The following CNKSR2 variants were observed in gnomAD, a reference collection of about 807,000 sequenced individuals.
CNKSR2 encodes the protein connector enhancer of kinase suppressor of Ras 2, also known as CNK homolog protein 2.
Under a neutral mutation model 84.4 loss-of-function variants are expected in CNKSR2, and 14 were observed. That is an observed-to-expected ratio of 0.17 (90% confidence interval 0.11 to 0.26). The LOEUF (loss-of-function observed/expected upper bound fraction) is 0.26. Among genes scored for constraint, CNKSR2 ranks in the 10% least tolerant of loss-of-function variants. CNKSR2 has a pLI of 1.00. For synonymous variants in CNKSR2, 275 were observed against 277.9 expected, an observed-to-expected ratio of 0.99 and a Z score of 0.10; for missense variants, 485 against 771.2, an observed-to-expected ratio of 0.63 and a Z score of 4.40.
intron 21 of CNKSR2, among the ~76,000 whole-genome samples, chrX:21,650,425 G>A (rs1170334281): frequency 9.3e-4 from 96 of 102,767 alleles, no homozygotes; most frequent in South Asian, 2.9e-3. Context: ...GGGGCCTGTC[G>A]GGGGGTGGGG....
intron 18 of CNKSR2, among the ~76,000 whole-genome samples, chrX:21,602,879 A>G (rs2092491784): frequency 8.9e-6 from 1 of 112,175 alleles, no homozygotes; most frequent in African/African-American, 3.2e-5. Flanking sequence ...AGTGTGGGCA[A>G]TGTACTGATA....
intron 4 of CNKSR2, among the ~76,000 whole-genome samples, chrX:21,449,429 A>T (rs1428385464): frequency 9.0e-6 from 1 of 110,682 alleles, no homozygotes; most frequent in Admixed American, 9.7e-5. Flanking sequence ...AAAAAAAAAC[A>T]CTAATAACCC....
At chrX:21,436,798 A>G (rs1226078984) in intron 3 of CNKSR2, among the ~76,000 whole-genome samples, 3 of 111,173 alleles carry the variant, frequency 2.7e-5, no homozygotes, top group Non-Finnish European at 5.7e-5. Context: ...ATAGATGATC[A>G]TTAAGTCATG....
chrX:21,635,992 CT>C (rs1480056229), intron 20 of CNKSR2, among the ~76,000 whole-genome samples: 2 of 111,440 alleles, frequency 1.8e-5, no homozygotes, highest in Non-Finnish European at 3.8e-5. Flanking sequence ...GTTGGAACTA[CT>C]TTTCAGAGTA....
In CNKSR2 at chrX:21,648,770, T is replaced by TTCTC. The variant is rs1229529311; in HGVS notation, c.2693-43_2693-40dup. On this transcript the variant is annotated intron_variant, in intron 20 of 21. Transcript: ENST00000379510. ...TATATTGCAATGAATTCATTTCTCT[T>TTCTC]TCTCTCTCTCTCTCTCTCTCTTTCT... The TTCTC allele has an allele frequency of 5.0e-4, 379 of 754,721 alleles. 1 individual carries two copies. The African/African-American group carries it at 7.6e-3, about 15-fold the overall frequency. 62.2% of individuals were successfully genotyped at this position (754,721 alleles called of 1,213,427 possible). A position where few individuals can be genotyped will look rare whatever the true frequency, so the allele number is the denominator to read the frequency against.
intron 4 of CNKSR2, among the ~76,000 whole-genome samples, chrX:21,457,398 T>G (rs1044582510): frequency 9.0e-6 from 1 of 111,663 alleles, no homozygotes; most frequent in African/African-American, 3.3e-5. Flanking sequence ...GGATGGTCTG[T>G]GCATATTTTT....
intron 20 of CNKSR2, chrX:21,642,113 C>T (rs973407504): frequency 1.1e-4 from 80 of 746,912 alleles, no homozygotes; most frequent in Non-Finnish European, 9.6e-5. Flanking sequence ...TAAAACTTGA[C>T]GTGCTGTATT....
At chrX:21,568,782 G>T (rs1057074399) in intron 13 of CNKSR2, among the ~76,000 whole-genome samples, 14 of 111,541 alleles carry the variant, frequency 1.3e-4, no homozygotes, top group Non-Finnish European at 1.1e-4. Context: ...TTACAGACTA[G>T]AAAGCTGAGG....
intron 9 of CNKSR2, among the ~76,000 whole-genome samples, chrX:21,520,806 G>A (rs1413802016): frequency 2.8e-5 from 3 of 108,752 alleles, no homozygotes; most frequent in Admixed American, 9.9e-5. Context: ...ACATCAAGCT[G>A]TAACATTATA....
intron 8 of CNKSR2, among the ~76,000 whole-genome samples, chrX:21,510,357 TA>T (rs11435494): frequency 9.2e-6 from 1 of 108,882 alleles, no homozygotes; most frequent in Admixed American, 9.8e-5. Flanking sequence ...TGAAAAAAGG[TA>T]AAAAAAAAGG....
At chrX:21,516,404 C>G (rs2091728928) in intron 8 of CNKSR2, 81 bp from the exon 9 acceptor site, 2 of 970,272 alleles carry the variant, frequency 2.1e-6, no homozygotes, top group Non-Finnish European at 2.8e-6. Flanking sequence ...TTTTTTTTTA[C>G]TAATCTTATT....
At chrX:21,501,424 C>T in intron 7 of CNKSR2, 96 bp from the exon 8 acceptor site, 1 of 423,575 alleles carries the variant, frequency 2.4e-6, no homozygotes, top group South Asian at 8.1e-5. Context: ...ATTTTTAAAT[C>T]TAATTTATGG....
chrX:21,498,250 G>A (rs2091522697), intron 7 of CNKSR2, among the ~76,000 whole-genome samples: 1 of 111,734 alleles, frequency 8.9e-6, no homozygotes, highest in Non-Finnish European at 1.9e-5. Context: ...TTCAGTGGAA[G>A]GGCAGCATGG....
chrX:21,632,990 T>TACACACACAC (rs200936630), intron 20 of CNKSR2, among the ~76,000 whole-genome samples: 2 of 100,661 alleles, frequency 2.0e-5, no homozygotes, highest in African/African-American at 3.6e-5. Context: ...TTATATAATA[T>TACACACACAC]ACACACACAC....
intron 17 of CNKSR2, among the ~76,000 whole-genome samples, chrX:21,599,918 G>C (rs2092472048): frequency 9.0e-6 from 1 of 110,788 alleles, no homozygotes; most frequent in Non-Finnish European, 1.9e-5. Context: ...TTTACTTCTT[G>C]ATTTATAGCT....
chrX:21,528,576 T>C (rs1001038413), intron 10 of CNKSR2, among the ~76,000 whole-genome samples: 1 of 110,840 alleles, frequency 9.0e-6, no homozygotes, highest in African/African-American at 3.3e-5. Context: ...GGTGGACATA[T>C]TATAAAGGCT....
chrX:21,382,663 T>C (rs1323111527), intron 1 of CNKSR2, among the ~76,000 whole-genome samples: 1 of 111,367 alleles, frequency 9.0e-6, no homozygotes, highest in African/African-American at 3.3e-5. Context: ...GACGATAAAA[T>C]GGAAAAACAA....
intron 1 of CNKSR2, among the ~76,000 whole-genome samples, chrX:21,405,023 T>C (rs1380460357): frequency 9.0e-6 from 1 of 111,409 alleles, no homozygotes. Context: ...TTATCCATTT[T>C]CTATTTCATT....
chrX:21,480,907 C>G lies in CNKSR2; in HGVS notation c.562-9552C>G, dbSNP rs775482222. The stretch of plus-strand genomic sequence containing the variant: ...CATTAAAATATTTGATATTTACTTG[C>G]CAAACAATGTTCAAAGCACAGTGGT... On this transcript the variant is annotated intron_variant, in intron 5 of 21. Transcript: ENST00000379510. 5.4e-5 allele frequency among the ~76,000 whole-genome samples: 6 copies of G among 111,938 alleles called. No individual in the cohort carries two copies. In the South Asian group the frequency reaches 2.2e-3, roughly 42 times the overall value.
Sources: allele counts gnomAD v4.1 joint callset (sites outside exome capture counted in the v4.1 genomes callset), GRCh38; gene constraint gnomAD v4.1.1; transcripts MANE v1.5; gene names NCBI Gene and HGNC (gene_info 2026-07-23, HGNC 2026-07-21).